Variants in FAN1 observed in about 807,000 individuals in gnomAD.
FAN1 encodes the protein FANCD2 and FANCI associated nuclease 1.
Under a neutral mutation model 104.9 loss-of-function variants are expected in FAN1, and 91 were observed. The ratio of observed to expected loss-of-function variants is 0.87; its 90% CI spans 0.73 to 1.03. FAN1 has a LOEUF of 1.03. Ranked by LOEUF, FAN1 falls within the 50% of genes least tolerant of loss-of-function variation. The pLI is 0.00. For missense variants in FAN1, 1,263 were observed against 1,239.9 expected (o/e 1.02, Z -0.28); for synonymous variants, 478 against 457.6 (o/e 1.04, Z -0.57).
chr15:30,941,585 G>T lies in FAN1; in HGVS notation c.*23G>T. On this transcript the variant is annotated 3_prime_UTR_variant, in exon 15 of 15. Transcript: ENST00000362065. ...GCACAGATTCCCTACAGGAGAAAATGGAAATGAGGAGGAGAGAAACTCCGG... is the reference window on the plus strand; with the variant it reads ...GCACAGATTCCCTACAGGAGAAAATTGAAATGAGGAGGAGAGAAACTCCGG... 6.3e-7 allele frequency: 1 copy of T among 1,599,612 alleles called. No individual in the cohort carries two copies. The highest frequency in any genetic ancestry group is 8.5e-7 in the Non-Finnish European group (1 of 1,172,618).
At chr15:30,908,532 C>T (rs1218244219) in intron 3 of FAN1, among the ~76,000 whole-genome samples, 1 of 152,104 alleles carries the variant, frequency 6.6e-6, no homozygotes, top group Non-Finnish European at 1.5e-5. Flanking sequence ...TGGGCATAGA[C>T]ATGGGTGTGT....
intron 12 of FAN1, 129 bp downstream of exon 12, chr15:30,929,526 GAT>G: frequency 3.0e-6 from 1 of 337,524 alleles, no homozygotes; most frequent in East Asian, 6.3e-5. Flanking sequence ...GCATATATAT[GAT>G]ATATAGTATA....
rs1379320740 is a variant in FAN1, at chr15:30,928,578, C to G, written c.2514C>G (p.Phe838Leu). Residue 838 changes from phenylalanine (F) to leucine (L), a missense_variant, in exon 11 of 15, where the codon TTC becomes TTG. Around this residue, in one of 2 missense-constraint regions of FAN1, gnomAD observed 581 missense variants for 668.8 expected, o/e 0.87. Transcript: ENST00000362065. ...GGATTCATGGCGAAGGGTCCACCTT[C>G]AGCACCCTGTATGGCCTCCTCCTGT... ...DQGIHGEGST[F>L]STLYGLLLWD... The G allele has an allele frequency of 1.9e-6, 3 of 1,612,076 alleles. No individual in the cohort carries two copies. Among genetic ancestry groups the G allele is most frequent in the Non-Finnish European group, 2.5e-6 (3 of 1,179,580 alleles).
At position 30,930,804 on chromosome 15, in the gene FAN1, GT is replaced by G. The variant is rs2062689996; in HGVS notation, c.2916+135del. The G allele has an allele frequency of 2.7e-6, 3 of 1,112,828 alleles. No homozygotes were observed. In the African/African-American group the frequency reaches 4.7e-5, roughly 17 times the overall value. 68.9% of individuals were successfully genotyped at this position (1,112,828 alleles called of 1,614,324 possible). ...GAGAGCTTTTGGGCCGAGGGCCTGG[GT>G]TCCTGTGGGCCTGTCCCCTGCGACT... On this transcript the variant is annotated intron_variant, in intron 13 of 14. Transcript: ENST00000362065.
At chr15:30,939,505 T>A (rs1566939442) in intron 14 of FAN1, 1 of 983,056 alleles carries the variant, frequency 1.0e-6, no homozygotes, top group Non-Finnish European at 1.2e-6. Flanking sequence ...TGTAGCACAA[T>A]AATCATGATA....
At chr15:30,938,588 G>C (rs1348613186) in intron 14 of FAN1, among the ~76,000 whole-genome samples, 2 of 152,186 alleles carry the variant, frequency 1.3e-5, no homozygotes, top group Non-Finnish European at 2.9e-5. Context: ...GCTGGGCAAG[G>C]GGGTGTGGTA....
At chr15:30,929,492 A>AT in intron 12 of FAN1, 95 bp downstream of exon 12, 1 of 799,202 alleles carries the variant, frequency 1.3e-6, no homozygotes, top group Non-Finnish European at 2.0e-6. Context: ...ACATGTGTGT[A>AT]TATGTAAATA....
At chr15:30,920,478 C>G (rs920053576) in intron 6 of FAN1, 67 bp from the exon 7 acceptor site, 1 of 1,004,424 alleles carries the variant, frequency 1.0e-6, no homozygotes, top group Non-Finnish European at 1.6e-6. Context: ...TGCTTTGTCA[C>G]TTGTTATTAT....
rs1299340257 is a variant in FAN1 at position 30,916,002 on chromosome 15, A to G, written c.1811+1911A>G. Among the ~76,000 whole-genome samples the G allele has an allele frequency of 4.6e-5, 7 of 152,178 alleles. No homozygotes were observed. The South Asian group carries it at 1.4e-3, about 31-fold the overall frequency. On this transcript the variant is annotated intron_variant, in intron 5 of 14. Coordinates refer to ENST00000362065, the MANE Select transcript of FAN1 (RefSeq NM_014967.5). ...AGCCAGGTGCTTTAAGAAGTAAGTT[A>G]TTGAAATTTTTGAATCACAGCAGTG...
intron 12 of FAN1, among the ~76,000 whole-genome samples, chr15:30,929,602 AT>A (rs1416368825): frequency 1.6e-5 from 2 of 125,388 alleles, no homozygotes; most frequent in African/African-American, 6.9e-5. Flanking sequence ...TATATATTAC[AT>A]ATTACATATA....
Position 30,922,337 on chromosome 15 carries a change from T to C in FAN1, c.2155T>C (p.Leu719=), listed in dbSNP as rs971720527. 6.2e-7 allele frequency: 1 copy of C among 1,612,804 alleles called. No homozygotes were observed. The highest frequency in any genetic ancestry group is 8.5e-7 in the Non-Finnish European group (1 of 1,179,694). The part of the protein sequence containing the change: ...DRLALNLHQH[L]KRLEPTIKCI... ...ACTGGCCCTTAATTTACACCAGCAC[T>C]TGAAGCGCCTGGAACCGGTACTCAG... The change falls in exon 8 of 15, where the codon TTG becomes CTG. Residue 719 remains leucine (L), a synonymous_variant. Coordinates refer to ENST00000362065, the MANE Select transcript of FAN1 (RefSeq NM_014967.5).
In FAN1 at chr15:30,914,107, C is replaced by G; in HGVS notation, c.1811+16C>G. 6.4e-7 allele frequency: 1 copy of G among 1,551,334 alleles called. No homozygotes were observed. The highest frequency in any genetic ancestry group is 8.9e-7 in the Non-Finnish European group (1 of 1,123,852). ...ATCTTATCAGGTAAGATGATGTTAG[C>G]TCACTATAATGTCTATATGTGTATT... On this transcript the variant is annotated intron_variant, in intron 5 of 14. Transcript: ENST00000362065.
chr15:30,926,046 A>G (rs1408057701), intron 10 of FAN1, 107 bp downstream of exon 10: 3 of 1,128,382 alleles, frequency 2.7e-6, no homozygotes, highest in Middle Eastern at 2.5e-4. Flanking sequence ...TCCTCTGCTC[A>G]CAGTGGAAGA....
chr15:30,942,682 A>C lies in FAN1; in HGVS notation c.*1120A>C. Reference sequence around the variant, plus strand: ...GCAGGCTCAAAGCTGCAATCTGCCCACTCTCAGGTACTGAGACTTTGTGGG... The same window carrying C: ...GCAGGCTCAAAGCTGCAATCTGCCCCCTCTCAGGTACTGAGACTTTGTGGG... On this transcript the variant is annotated 3_prime_UTR_variant, in exon 15 of 15. Coordinates refer to ENST00000362065, the MANE Select transcript of FAN1 (RefSeq NM_014967.5). The C allele has an allele frequency of 3.9e-6, 2 of 514,488 alleles. No individual in the cohort carries two copies. Among genetic ancestry groups the C allele is most frequent in the Non-Finnish European group, 6.7e-6 (2 of 298,398 alleles). The allele number at this position is 514,488 out of a possible 1,614,324, so 31.9% of individuals were successfully genotyped here. A position where few individuals can be genotyped will look rare whatever the true frequency, so the allele number is the denominator to read the frequency against.
intron 10 of FAN1, 117 bp downstream of exon 10, chr15:30,926,056 A>G: frequency 3.8e-6 from 4 of 1,038,986 alleles, no homozygotes; most frequent in Non-Finnish European, 4.3e-6. Flanking sequence ...ACAGTGGAAG[A>G]TGCTGTGGGC....
Position 30,925,150 on chromosome 15 carries a change from G to A in FAN1, c.2196G>A (p.Gly732=), listed in dbSNP as rs551605104. Residue 732 remains glycine, a synonymous_variant, in exon 9 of 15, where the codon GGG becomes GGA. Coordinates refer to ENST00000362065, the MANE Select transcript of FAN1 (RefSeq NM_014967.5). ...AGACTATCAAGTGCATCACAGAGGG[G>A]CTGGCGGATCCGGAAGTCAGAACGG... is the stretch of plus-strand genomic sequence containing the variant. ...LEPTIKCITE[G]LADPEVRTGH... is the part of the protein sequence containing the mutation. 3 of 1,613,888 alleles carry A rather than the reference G, an allele frequency of 1.9e-6. No homozygotes were observed. The highest frequency in any genetic ancestry group is 2.5e-6 in the Non-Finnish European group (3 of 1,179,972).
At position 30,910,473 on chromosome 15, in the gene FAN1, A is replaced by G. The variant is rs544494866; in HGVS notation, c.1376-141A>G. 3 of 561,542 alleles carry G rather than the reference A, an allele frequency of 5.3e-6. No homozygotes were observed. The East Asian group carries it at 8.5e-5, about 16-fold the overall frequency. The allele number at this position is 561,542 out of a possible 1,614,324, so 34.8% of individuals were successfully genotyped here. A position where few individuals can be genotyped will look rare whatever the true frequency, so the allele number is the denominator to read the frequency against. On this transcript the variant is annotated intron_variant, in intron 3 of 14. Transcript: ENST00000362065. ...ATTAATACGTTAATAATACCATGTTAATAATTCCACATTTAATGATTGGTT... is the reference window on the plus strand; with the variant it reads ...ATTAATACGTTAATAATACCATGTTGATAATTCCACATTTAATGATTGGTT...
chr15:30,910,153 A>G (rs2062066602), intron 3 of FAN1, among the ~76,000 whole-genome samples: 1 of 152,240 alleles, frequency 6.6e-6, no homozygotes, highest in South Asian at 2.1e-4. Context: ...TTCCTAGGCC[A>G]AGGTTGGTGT....
chr15:30,922,908 G>A (rs1043623660), intron 8 of FAN1, among the ~76,000 whole-genome samples: 2 of 152,242 alleles, frequency 1.3e-5, no homozygotes, highest in South Asian at 4.1e-4. Flanking sequence ...AGGGGCACTT[G>A]GAAGCACAGG....
Sources: gnomAD v4.1 joint callset for allele counts (sites outside exome capture counted in the v4.1 genomes callset) on GRCh38, gnomAD v4.1.1 for gene constraint, gnomAD v4.1.1 regional missense constraint, MANE v1.5 for transcripts, NCBI Gene and HGNC (gene_info 2026-07-23, HGNC 2026-07-21) for gene names.